The following ETFBKMT variants were observed in gnomAD, a reference collection of about 807,000 sequenced individuals.
ETFBKMT encodes the protein electron transfer flavoprotein subunit beta lysine methyltransferase.
ETFBKMT carries 13 observed loss-of-function variants against 18.3 expected under a neutral mutation model. The observed-to-expected ratio is 0.71, with a 90% confidence interval of 0.46 to 1.13. The LOEUF is 1.13. ETFBKMT is among the 50% of genes most tolerant of loss of function. ETFBKMT has a pLI of 0.00. For synonymous variants in ETFBKMT, 84 were observed against 107.9 expected (o/e 0.78, Z 1.37); for missense variants, 293 against 306.2 (o/e 0.96, Z 0.32).
chr12:31,669,395 T>C lies in ETFBKMT; in HGVS notation c.*1405T>C, dbSNP rs1260953914. ...TTCACAAGTGCTTTCAGCTTTTCTT[T>C]TGTCACTTTGGTGAGACAGGAAGGC... On this transcript the variant is annotated 3_prime_UTR_variant, in exon 4 of 4. Coordinates refer to ENST00000357721, the MANE Select transcript of ETFBKMT (RefSeq NM_001135863.2). 2.0e-5 allele frequency: 3 copies of C among 152,286 alleles called. No homozygotes were observed. The highest frequency in any genetic ancestry group is 4.4e-5 in the Non-Finnish European group (3 of 68,078). 9.4% of individuals were successfully genotyped at this position (152,286 alleles called of 1,614,324 possible). A position where few individuals can be genotyped will look rare whatever the true frequency, so the allele number is the denominator to read the frequency against.
In ETFBKMT at chr12:31,661,882, T is replaced by G. The variant is rs1951128712; in HGVS notation, c.-72T>G. ...TGAGATCAAGTTGGGAGACACACCCTTGTTCATTCTCCTTGAGAAGCAGCT... is the reference window on the plus strand; with the variant it reads ...TGAGATCAAGTTGGGAGACACACCCGTGTTCATTCTCCTTGAGAAGCAGCT... On this transcript the variant is annotated 5_prime_UTR_variant, in exon 2 of 4. Transcript: ENST00000357721. 12 of 1,415,780 alleles carry G rather than the reference T, an allele frequency of 8.5e-6. No homozygotes were observed. The highest frequency in any genetic ancestry group is 1.2e-5 in the Non-Finnish European group (12 of 1,023,182). The allele number at this position is 1,415,780 out of a possible 1,614,324, so 87.7% of individuals were successfully genotyped here.
intron 2 of ETFBKMT, among the ~76,000 whole-genome samples, 175 bp downstream of exon 2, chr12:31,662,442 T>C (rs549222825): frequency 4.7e-4 from 72 of 152,194 alleles, no homozygotes; most frequent in Admixed American, 3.3e-3. Flanking sequence ...TCGCCTGGCC[T>C]GTCTCAAAAA....
At chr12:31,654,600 G>A (rs934605962), upstream of ETFBKMT, among the ~76,000 whole-genome samples, 41 of 152,122 alleles carry the variant, frequency 2.7e-4, no homozygotes, top group African/African-American at 9.4e-4. Flanking sequence ...CAATATAAAG[G>A]AATGAATTAT....
At chr12:31,654,042 C>T (rs750896516) in intron 1 of ETFBKMT, among the ~76,000 whole-genome samples, 1 of 152,096 alleles carries the variant, frequency 6.6e-6, no homozygotes, top group Non-Finnish European at 1.5e-5. Context: ...TAAAATGACA[C>T]AACTATTTTG....
chr12:31,648,464 C>A (rs561715241), intron 1 of ETFBKMT, among the ~76,000 whole-genome samples: 1 of 149,414 alleles, frequency 6.7e-6, no homozygotes, highest in Admixed American at 6.7e-5. Context: ...CAGGTTCAAG[C>A]GATTCTCCTG....
Position 31,663,687 on chromosome 12 carries a change from C to T in ETFBKMT, c.314+1420C>T, listed in dbSNP as rs114414830. 9.4e-3 allele frequency among the ~76,000 whole-genome samples: 1,433 copies of T among 152,306 alleles called. 18 individuals are homozygous for T. The highest frequency in any genetic ancestry group is 0.033 in the African/African-American group (1,355 of 41,554). ...TTGTTAAGCAGAATGCAATCAGCAA[C>T]GGATCAGGCTGACCTGCGAGTGGTA... On this transcript the variant is annotated intron_variant, in intron 2 of 3. Coordinates refer to ENST00000357721, the MANE Select transcript of ETFBKMT (RefSeq NM_001135863.2).
upstream of ETFBKMT, among the ~76,000 whole-genome samples, chr12:31,655,737 T>C (rs1281989330): frequency 6.6e-6 from 1 of 152,234 alleles, no homozygotes; most frequent in Non-Finnish European, 1.5e-5. Context: ...ATGTCTTTTC[T>C]CTTAAAGCAA....
chr12:31,659,405 C>T (rs993875323), upstream of ETFBKMT: 1 of 152,338 alleles, frequency 6.6e-6, no homozygotes, highest in African/African-American at 2.4e-5. Flanking sequence ...TTAAGATCGA[C>T]TCCACCCCGC....
At chr12:31,665,569 T>C (rs1951183706) in intron 2 of ETFBKMT, among the ~76,000 whole-genome samples, 1 of 152,114 alleles carries the variant, frequency 6.6e-6, no homozygotes. Context: ...CCAGTGACAC[T>C]AGAGGAATTA....
chr12:31,651,421 C>T (rs1451692592), intron 1 of ETFBKMT, among the ~76,000 whole-genome samples: 2 of 151,822 alleles, frequency 1.3e-5, no homozygotes, highest in Non-Finnish European at 2.9e-5. Flanking sequence ...GTGAGGCAAC[C>T]CGGGTTCAAG....
At chr12:31,655,940 A>G (rs1439389393), upstream of ETFBKMT, among the ~76,000 whole-genome samples, 1 of 152,208 alleles carries the variant, frequency 6.6e-6, no homozygotes, top group Non-Finnish European at 1.5e-5. Context: ...GTACTCTGTA[A>G]ACATGCAAAG....
Position 31,661,833 on chromosome 12 carries a change from T to A in ETFBKMT, c.-113-8T>A, listed in dbSNP as rs1171101785. 16 of 848,714 alleles carry A rather than the reference T, an allele frequency of 1.9e-5. No homozygotes were observed. Among genetic ancestry groups the A allele is most frequent in the Non-Finnish European group, 2.5e-5 (13 of 529,030 alleles). 52.6% of individuals were successfully genotyped at this position (848,714 alleles called of 1,614,324 possible). ...AATTCTCAGTATTACTTTTCTTTTT[T>A]TTTTCAGAGTCAGAGGTTCCGGTTG... On this transcript the variant is annotated splice_polypyrimidine_tract_variant and splice_region_variant and intron_variant, in intron 1 of 3. Transcript: ENST00000357721.
At position 31,672,523 on chromosome 12, in the gene ETFBKMT, C is replaced by T. The variant is rs1376457036; in HGVS notation, c.*4533C>T. ...TCTATAAAGCACAATATACAACTAA[C>T]TCACTAATAATTAATTAATGGTAGC... On this transcript the variant is annotated 3_prime_UTR_variant, in exon 4 of 4. Coordinates refer to ENST00000357721, the MANE Select transcript of ETFBKMT (RefSeq NM_001135863.2). 3.3e-6 allele frequency: 2 copies of T among 597,914 alleles called. No homozygotes were observed. Among genetic ancestry groups the T allele is most frequent in the Non-Finnish European group, 6.0e-6 (2 of 335,934 alleles). The allele number at this position is 597,914 out of a possible 1,614,324, so 37.0% of individuals were successfully genotyped here.
intron 2 of ETFBKMT, among the ~76,000 whole-genome samples, chr12:31,663,308 G>A (rs1951151929): frequency 6.6e-6 from 1 of 152,096 alleles, no homozygotes. Flanking sequence ...GATCAGGCTG[G>A]TCTCGAACTT....
intron 1 of ETFBKMT, among the ~76,000 whole-genome samples, chr12:31,648,557 CTTT>C (rs764501978): frequency 2.4e-5 from 2 of 82,982 alleles, no homozygotes; most frequent in African/African-American, 1.1e-4. Context: ...AGATGGGTTT[CTTT>C]TTTTTTTTTT....
At chr12:31,652,949 C>G (rs545514403) in intron 1 of ETFBKMT, among the ~76,000 whole-genome samples, 115 of 152,374 alleles carry the variant, frequency 7.5e-4, no homozygotes, top group African/African-American at 2.6e-3. Context: ...TGGCTCATGC[C>G]TGTAATCCCA....
At chr12:31,658,834 C>G (rs141350650), upstream of ETFBKMT, among the ~76,000 whole-genome samples, 1,177 of 151,602 alleles carry the variant, frequency 7.8e-3, 20 homozygotes, top group African/African-American at 0.027. Flanking sequence ...AAATAAATTG[C>G]TAGTGAATTT....
upstream of ETFBKMT, among the ~76,000 whole-genome samples, chr12:31,656,482 T>C (rs1951063111): frequency 6.6e-6 from 1 of 152,130 alleles, no homozygotes; most frequent in Non-Finnish European, 1.5e-5. Context: ...AATCCGGCTG[T>C]ACCATTGAAG....
At position 31,661,854 on chromosome 12, in the gene ETFBKMT, G is replaced by T; in HGVS notation, c.-100G>T. ...TTTTTTTTTCAGAGTCAGAGGTTCC[G>T]GTTGAGATCAAGTTGGGAGACACAC... On this transcript the variant is annotated 5_prime_UTR_variant, in exon 2 of 4. Coordinates refer to ENST00000357721, the MANE Select transcript of ETFBKMT (RefSeq NM_001135863.2). The T allele has an allele frequency of 9.6e-7, 1 of 1,045,896 alleles. No homozygotes were observed. The allele number at this position is 1,045,896 out of a possible 1,614,324, so 64.8% of individuals were successfully genotyped here. A position where few individuals can be genotyped will look rare whatever the true frequency, so the allele number is the denominator to read the frequency against.
Sources: allele counts gnomAD v4.1 joint callset (sites outside exome capture counted in the v4.1 genomes callset), GRCh38; gene constraint gnomAD v4.1.1; transcripts MANE v1.5; gene names NCBI Gene and HGNC (gene_info 2026-07-23, HGNC 2026-07-21).